Variants in PRUNE2 observed in about 807,000 individuals in gnomAD.
PRUNE2 encodes prune homolog 2 with BCH domain, also known as protein prune homolog 2.
In PRUNE2, 164 loss-of-function variants were observed where a neutral mutation model predicts 252.0. That is an observed-to-expected ratio of 0.65 (90% confidence interval 0.57 to 0.74). The LOEUF (loss-of-function observed/expected upper bound fraction) is 0.74. Ranked by LOEUF, PRUNE2 falls within the 30% of genes least tolerant of loss-of-function variation. The pLI, the probability that PRUNE2 is intolerant of heterozygous loss-of-function variation, is 0.00. For synonymous variants in PRUNE2, 1,292 were observed against 1,350.2 expected (o/e 0.96, Z 0.94); for missense variants, 3,495 against 3,711.0 (o/e 0.94, Z 1.51).
intron 6 of PRUNE2, among the ~76,000 whole-genome samples, chr9:76,761,085 C>A (rs906284803): frequency 0.017 from 1,571 of 92,558 alleles, no homozygotes; most frequent in Admixed American, 0.023. Flanking sequence ...GACTCTGTCT[C>A]AAAAAAAAAA....
At chr9:76,819,520 C>G (rs775302348) in intron 6 of PRUNE2, 1 of 152,190 alleles carries the variant, frequency 6.6e-6, no homozygotes, top group Admixed American at 6.5e-5. Context: ...TCATGGACTT[C>G]TAGCCTCTAG....
At chr9:76,625,616 A>G (rs935823489) in intron 16 of PRUNE2, among the ~76,000 whole-genome samples, 14 of 152,206 alleles carry the variant, frequency 9.2e-5, no homozygotes, top group Admixed American at 3.9e-4. Context: ...TGCAGATTCT[A>G]TATTTGTAAA....
chr9:76,886,953 G>C (rs867222220), intron 1 of PRUNE2, among the ~76,000 whole-genome samples: 1 of 152,126 alleles, frequency 6.6e-6, no homozygotes, highest in Non-Finnish European at 1.5e-5. Context: ...CTCATCATTA[G>C]AGCACTCACT....
At chr9:76,660,990 T>C (rs1588286046) in intron 9 of PRUNE2, among the ~76,000 whole-genome samples, 1 of 151,334 alleles carries the variant, frequency 6.6e-6, no homozygotes, top group African/African-American at 2.4e-5. Flanking sequence ...ATAGAAAAAT[T>C]AGCAATAAAA....
chr9:76,723,282 A>T (rs2047803539), intron 6 of PRUNE2, among the ~76,000 whole-genome samples: 1 of 152,204 alleles, frequency 6.6e-6, no homozygotes, highest in Non-Finnish European at 1.5e-5. Context: ...TGGCATAATC[A>T]CTGGTTATCC....
chr9:76,840,826 C>CA (rs2059345747), intron 4 of PRUNE2, among the ~76,000 whole-genome samples: 1 of 152,106 alleles, frequency 6.6e-6, no homozygotes, highest in East Asian at 1.9e-4. Context: ...GCTAAAAACA[C>CA]AAAAATTAGC....
intron 12 of PRUNE2, chr9:76,642,001 T>TAAAAAAAAAAAAAG: frequency 9.9e-7 from 1 of 1,010,460 alleles, no homozygotes; most frequent in Non-Finnish European, 1.4e-6. Flanking sequence ...ATAAGAGAAG[T>TAAAAAAAAAAAAAG]AAAAAAAAAA....
intron 6 of PRUNE2, among the ~76,000 whole-genome samples, chr9:76,796,520 A>G (rs2056104663): frequency 6.6e-6 from 1 of 152,174 alleles, no homozygotes; most frequent in African/African-American, 2.4e-5. Context: ...TTGGTGTCAC[A>G]AGTGTCTGGC....
intron 4 of PRUNE2, 121 bp downstream of exon 4, chr9:76,846,394 G>T: frequency 2.7e-6 from 2 of 739,988 alleles, no homozygotes; most frequent in Non-Finnish European, 4.2e-6. Context: ...CTCTGATGAA[G>T]CTTCCCGTGG....
At position 76,706,467 on chromosome 9, in the gene PRUNE2, G is replaced by A; in HGVS notation, c.5807C>T (p.Ser1936Leu). The change falls in exon 8 of 19, where the codon TCA (serine) becomes TTA (leucine). Residue 1936 changes from serine (S) to leucine (L), a missense_variant. By Grantham distance (145) the Ser-to-Leu change is moderately radical. Coordinates refer to ENST00000376718, the MANE Select transcript of PRUNE2 (RefSeq NM_015225.3). ...AGCAGACACAAAGGTTTGCTCTCTT[G>A]AGTCCTTTTCTTTAATTTGGTCTAA... Reference protein sequence around the residue: ...VKLDQIKEKDSREQTFVSAAG... With the variant: ...VKLDQIKEKDLREQTFVSAAG... 6.2e-7 allele frequency: 1 copy of A among 1,613,970 alleles called. No homozygotes were observed. The highest frequency in any genetic ancestry group is 8.5e-7 in the Non-Finnish European group (1 of 1,179,882).
intron 6 of PRUNE2, among the ~76,000 whole-genome samples, chr9:76,806,625 A>C (rs907140422): frequency 1.3e-5 from 2 of 149,416 alleles, no homozygotes; most frequent in African/African-American, 5.0e-5. Context: ...CTCCTGCCTC[A>C]GCCTCCTGAG....
intron 9 of PRUNE2, among the ~76,000 whole-genome samples, chr9:76,659,481 A>T (rs7040011): frequency 0.33 from 50,184 of 152,130 alleles, 10,598 homozygotes; most frequent in African/African-American, 0.6. Flanking sequence ...CATAGCCTTT[A>T]ATCACTTGCC....
At chr9:76,696,495 G>A (rs1262329578) in intron 9 of PRUNE2, among the ~76,000 whole-genome samples, 1 of 152,044 alleles carries the variant, frequency 6.6e-6, no homozygotes, top group African/African-American at 2.4e-5. Context: ...GCATGATCTC[G>A]GCTCACTGCA....
chr9:76,712,763 AGAG>A (rs1474555821), intron 7 of PRUNE2, among the ~76,000 whole-genome samples: 1 of 152,192 alleles, frequency 6.6e-6, no homozygotes, highest in African/African-American at 2.4e-5. Context: ...GATGCAGGTC[AGAG>A]GAGGAGATGC....
At chr9:76,823,973 A>C (rs968602789) in intron 5 of PRUNE2, among the ~76,000 whole-genome samples, 5 of 152,190 alleles carry the variant, frequency 3.3e-5, no homozygotes, top group Admixed American at 6.5e-5. Flanking sequence ...ATGGCAGGAC[A>C]CTTACAGAGA....
At chr9:76,661,109 G>A (rs1362973161) in intron 9 of PRUNE2, among the ~76,000 whole-genome samples, 3 of 152,182 alleles carry the variant, frequency 2.0e-5, no homozygotes, top group Middle Eastern at 6.8e-3. Context: ...AGCAGGTAAT[G>A]TCACCAAGAC....
chr9:76,732,943 G>C (rs2048759081), intron 6 of PRUNE2, among the ~76,000 whole-genome samples: 1 of 152,220 alleles, frequency 6.6e-6, no homozygotes, highest in Non-Finnish European at 1.5e-5. Context: ...AAGAGGGAAA[G>C]AGGAGTTTAC....
intron 3 of PRUNE2, among the ~76,000 whole-genome samples, chr9:76,848,161 G>C (rs2059768271): frequency 6.6e-6 from 1 of 152,204 alleles, no homozygotes; most frequent in Non-Finnish European, 1.5e-5. Flanking sequence ...CTACTCAGGA[G>C]GCCGAGGCAA....
chr9:76,703,686 C>T lies in PRUNE2; in HGVS notation c.7927G>A (p.Asp2643Asn), dbSNP rs1156390287. 1 of 1,613,226 alleles carries T rather than the reference C, an allele frequency of 6.2e-7. No individual in the cohort carries two copies. The highest frequency in any genetic ancestry group is 8.5e-7 in the Non-Finnish European group (1 of 1,179,832). ...GAGTCCCTGGCATCCAGTGATGGAT[C>T]ACCAACCTCACTATGGCCCAAGAAC... ...WMFLGHSEVG[D>N]PSLDARDSGP... Residue 2643 changes from aspartate to asparagine, a missense_variant, in exon 9 of 19, where the codon GAT (aspartate) becomes AAT (asparagine). Coordinates refer to ENST00000376718, the MANE Select transcript of PRUNE2 (RefSeq NM_015225.3).
Sources: allele counts gnomAD v4.1 joint callset (sites outside exome capture counted in the v4.1 genomes callset), GRCh38; gene constraint gnomAD v4.1.1; transcripts MANE v1.5; gene names NCBI Gene and HGNC (gene_info 2026-07-23, HGNC 2026-07-21).